Variants in SULF2 observed in about 807,000 individuals in gnomAD.
The protein encoded by SULF2 is sulfatase 2, also known as extracellular sulfatase Sulf-2.
Under a neutral mutation model 107.7 loss-of-function variants are expected in SULF2, and 52 were observed. The observed-to-expected ratio is 0.48, with a 90% CI of 0.39 to 0.61. SULF2 has a LOEUF of 0.61. Among genes scored for constraint, SULF2 ranks in the 20% least tolerant of loss-of-function variants. The pLI is 0.00. For synonymous variants in SULF2, 460 were observed against 464.3 expected, an observed-to-expected ratio of 0.99 and a Z score of 0.12; for missense variants, 993 against 1,177.3, an observed-to-expected ratio of 0.84 and a Z score of 2.29.
intron 3 of SULF2, among the ~76,000 whole-genome samples, chr20:47,725,174 G>A (rs1336571326): frequency 2.0e-5 from 3 of 152,210 alleles, no homozygotes; most frequent in Non-Finnish European, 2.9e-5. Flanking sequence ...CTTTGGCGTA[G>A]CACTGTCATC....
rs1229854546 is a variant in SULF2, at chr20:47,694,379, A to T, written c.568-4084T>A. Among the ~76,000 whole-genome samples the T allele has an allele frequency of 6.6e-6, 1 of 152,150 alleles. No homozygotes were observed. The highest frequency in any genetic ancestry group is 2.4e-5 in the African/African-American group (1 of 41,446). On this transcript the variant is annotated intron_variant, in intron 4 of 20. Coordinates refer to ENST00000688720, the MANE Select transcript of SULF2 (RefSeq NM_001387048.1). This position sits in a 1 kb window ranked among gnomAD's most constrained non-coding sequence, Gnocchi z 4.4. ...GGGTAGAGAAGGCCTGGGCCGGGGG[A>T]AAGGCTGAGTTCAGAGATGGGCAAA...
chr20:47,742,724 TTATATA>T (rs1175245957), intron 2 of SULF2, among the ~76,000 whole-genome samples: 1 of 151,842 alleles, frequency 6.6e-6, no homozygotes, highest in African/African-American at 2.4e-5. Flanking sequence ...AAGGTGTGAG[TTATATA>T]TATATATTTT....
At chr20:47,731,045 C>T (rs2089586713) in intron 3 of SULF2, among the ~76,000 whole-genome samples, 1 of 152,126 alleles carries the variant, frequency 6.6e-6, no homozygotes, top group Non-Finnish European at 1.5e-5. Flanking sequence ...AGGATGCTCT[C>T]TTGCTCCTGC....
At chr20:47,782,441 A>G (rs2090849398) in intron 1 of SULF2, among the ~76,000 whole-genome samples, 1 of 152,168 alleles carries the variant, frequency 6.6e-6, no homozygotes, top group Admixed American at 6.5e-5. Flanking sequence ...CATTCCAAGG[A>G]GGCCCAGAGA....
chr20:47,755,023 G>A (rs1278724752), intron 2 of SULF2, among the ~76,000 whole-genome samples: 1 of 17,114 alleles, frequency 5.8e-5, no homozygotes, highest in Admixed American at 4.1e-4. Context: ...TTGTTAAGAC[G>A]GGGGGGGTCT....
At chr20:47,767,122 G>A (rs770403902) in intron 1 of SULF2, among the ~76,000 whole-genome samples, 46 of 152,268 alleles carry the variant, frequency 3.0e-4, no homozygotes, top group Non-Finnish European at 5.3e-4. Flanking sequence ...TCTCAGCTCC[G>A]TCACTTACTA....
chr20:47,688,097 G>A (rs1213671113), intron 5 of SULF2, among the ~76,000 whole-genome samples: 1 of 151,258 alleles, frequency 6.6e-6, no homozygotes, highest in Non-Finnish European at 1.5e-5. Context: ...ACCAACTTTT[G>A]CCAGAGTACA....
chr20:47,713,700 T>C (rs1166793020), intron 3 of SULF2, among the ~76,000 whole-genome samples: 2 of 151,106 alleles, frequency 1.3e-5, no homozygotes, highest in East Asian at 2.0e-4. Flanking sequence ...CAGTGAGCCA[T>C]GATTGTGCCA....
intron 3 of SULF2, among the ~76,000 whole-genome samples, chr20:47,716,378 G>A (rs867223699): frequency 5.3e-5 from 8 of 152,140 alleles, no homozygotes; most frequent in Non-Finnish European, 1.5e-5. Context: ...GGTGGCGGGC[G>A]CCTGTAATCC....
chr20:47,707,791 C>T lies in SULF2; in HGVS notation c.416-5121G>A, dbSNP rs76653185. ...GGAATAAAAAATCACTTTCTTTATACCAGATCTCGCTCTTATTACCTGCGT... is the reference window on the plus strand; with the variant it reads ...GGAATAAAAAATCACTTTCTTTATATCAGATCTCGCTCTTATTACCTGCGT... On this transcript the variant is annotated intron_variant, in intron 3 of 20. Transcript: ENST00000688720. Among the ~76,000 whole-genome samples, 555 of 152,336 alleles carry T rather than the reference C, an allele frequency of 3.6e-3. 11 individuals are homozygous for T. In the South Asian group the frequency reaches 0.048, roughly 13 times the overall value.
At chr20:47,710,488 G>A (rs1468312188) in intron 3 of SULF2, among the ~76,000 whole-genome samples, 1 of 151,850 alleles carries the variant, frequency 6.6e-6, no homozygotes, top group Non-Finnish European at 1.5e-5. Context: ...CAGAGCCTAG[G>A]TGTGTAGTAG....
intron 1 of SULF2, among the ~76,000 whole-genome samples, chr20:47,759,683 C>T (rs1165053163): frequency 2.0e-5 from 3 of 152,018 alleles, no homozygotes; most frequent in Non-Finnish European, 4.4e-5. Flanking sequence ...CAGAGTGAGA[C>T]TCCGTCTCAA....
At chr20:47,741,497 G>A (rs955647325) in intron 2 of SULF2, among the ~76,000 whole-genome samples, 1 of 151,932 alleles carries the variant, frequency 6.6e-6, no homozygotes, top group African/African-American at 2.4e-5. Context: ...TTTCAACCCT[G>A]CACTCATCAT....
chr20:47,763,741 G>A (rs1162383040), intron 1 of SULF2, among the ~76,000 whole-genome samples: 2 of 152,144 alleles, frequency 1.3e-5, no homozygotes, highest in East Asian at 1.9e-4. Flanking sequence ...ATGAGGCACA[G>A]TGTTCAGTGA....
chr20:47,694,300 G>A lies in SULF2; in HGVS notation c.568-4005C>T, dbSNP rs2088300724. The stretch of plus-strand genomic sequence containing the variant: ...GCCACTGGGTGGATGTGGGGTGCGG[G>A]AGGGGCGGGTGACCCCCACCCCTGT... On this transcript the variant is annotated intron_variant, in intron 4 of 20. Transcript: ENST00000688720. This position sits in a 1 kb window ranked among gnomAD's most constrained non-coding sequence, Gnocchi z 4.4. Among the ~76,000 whole-genome samples, 1 of 152,184 alleles carries A rather than the reference G, an allele frequency of 6.6e-6. No individual in the cohort carries two copies.
chr20:47,765,144 G>A (rs567980514), intron 1 of SULF2, among the ~76,000 whole-genome samples: 5 of 152,188 alleles, frequency 3.3e-5, no homozygotes, highest in Admixed American at 2.0e-4. Context: ...GAGGTCAGGA[G>A]ATCGAGACCA....
chr20:47,758,723 T>C (rs2090352164), intron 1 of SULF2, among the ~76,000 whole-genome samples: 1 of 152,128 alleles, frequency 6.6e-6, no homozygotes, highest in Non-Finnish European at 1.5e-5. Flanking sequence ...AGCCTTCAAG[T>C]CCTGTCCAGA....
At position 47,678,857 on chromosome 20, in the gene SULF2, C is replaced by G; in HGVS notation, c.1065-53G>C. On this transcript the variant is annotated intron_variant, in intron 7 of 20. Coordinates refer to ENST00000688720, the MANE Select transcript of SULF2 (RefSeq NM_001387048.1). This position sits in a 1 kb window ranked among gnomAD's most constrained non-coding sequence, Gnocchi z 4.5. ...AGTCACTCAGGTGGTGGTGCCTCAG[C>G]CTCGCGTGGGGGGTGGGGAGCGGTA... 1 of 1,568,118 alleles carries G rather than the reference C, an allele frequency of 6.4e-7. No individual in the cohort carries two copies. The highest frequency in any genetic ancestry group is 8.7e-7 in the Non-Finnish European group (1 of 1,146,420).
intron 2 of SULF2, among the ~76,000 whole-genome samples, chr20:47,740,773 C>T (rs1193068339): frequency 1.3e-5 from 2 of 152,080 alleles, no homozygotes; most frequent in East Asian, 3.9e-4. Flanking sequence ...TGGTAAAACC[C>T]GGACCTGACA....
Sources: allele counts gnomAD v4.1 joint callset (sites outside exome capture counted in the v4.1 genomes callset), GRCh38; gene constraint gnomAD v4.1.1; non-coding constraint Gnocchi (gnomAD v3.1); transcripts MANE v1.5; gene names NCBI Gene and HGNC (gene_info 2026-07-23, HGNC 2026-07-21).